The following IP6K3 variants were observed in gnomAD, a reference collection of about 807,000 sequenced individuals.
IP6K3 encodes the protein inositol hexakisphosphate kinase 3, also known as ATP:1D-myo-inositol-hexakisphosphate phosphotransferase.
A neutral mutation model predicts 28.8 loss-of-function variants in IP6K3; 20 were observed. The ratio of observed to expected loss-of-function variants is 0.70; its 90% CI spans 0.49 to 1.01. The LOEUF is 1.01. IP6K3 is among the 50% of genes least tolerant of loss of function. IP6K3 has a pLI of 0.00. For synonymous variants in IP6K3, 213 were observed against 221.3 expected (o/e 0.96, Z 0.33); for missense variants, 480 against 537.1 (o/e 0.89, Z 1.05).
chr6:33,747,709 A>G (rs1271700426), upstream of IP6K3, among the ~76,000 whole-genome samples: 1 of 151,902 alleles, frequency 6.6e-6, no homozygotes, highest in Non-Finnish European at 1.5e-5. The surrounding 1 kb of genome is among the most constrained non-coding windows in gnomAD (Gnocchi z 5.2). Flanking sequence ...AGCTGCAGGG[A>G]GTGGGACTGG....
At position 33,728,199 on chromosome 6, in the gene IP6K3, A is replaced by T. The variant is rs1162329500; in HGVS notation, c.301T>A (p.Ser101Thr). 2 of 1,613,782 alleles carry T rather than the reference A, an allele frequency of 1.2e-6. No individual in the cohort carries two copies. Among genetic ancestry groups the T allele is most frequent in the South Asian group, 2.2e-5 (2 of 91,048 alleles). Residue 101 changes from serine to threonine, a missense_variant, in exon 3 of 6, where the codon TCG becomes ACG. Coordinates refer to ENST00000293756, the MANE Select transcript of IP6K3 (RefSeq NM_054111.5). ...GTCTGCCATATGGCCACCGCCGCCG[A>T]CTCTGTGGAGACCTTGAAGGGCTCC... ...SQEPFKVSTE[S>T]AAVAIWQTLQ...
chr6:33,753,367 C>T, the IP6K3 span, among the ~76,000 whole-genome samples: 2 of 152,126 alleles, frequency 1.3e-5, no homozygotes, highest in Admixed American at 6.5e-5. Context: ...CCAAGAGACA[C>T]GTAAATTGCT....
chr6:33,744,911 A>G lies in IP6K3; in HGVS notation c.-180+1847T>C, dbSNP rs1766851585. Among the ~76,000 whole-genome samples the G allele has an allele frequency of 6.6e-6, 1 of 152,140 alleles. No homozygotes were observed. The highest frequency in any genetic ancestry group is 2.4e-5 in the African/African-American group (1 of 41,446). On this transcript the variant is annotated intron_variant, in intron 1 of 5. Coordinates refer to ENST00000293756, the MANE Select transcript of IP6K3 (RefSeq NM_054111.5). This position sits in a 1 kb window ranked among gnomAD's most constrained non-coding sequence, Gnocchi z 4.4. ...TGGGCTGGGGGTGGTGGGGCACTTG[A>G]GAGCCCATCTGGGCAGAGCAGGATG... is the stretch of plus-strand genomic sequence containing the variant.
chr6:33,733,520 C>G (rs542222339), intron 2 of IP6K3, among the ~76,000 whole-genome samples: 42 of 152,396 alleles, frequency 2.8e-4, no homozygotes, highest in African/African-American at 9.4e-4. Flanking sequence ...AGCCCCAGAG[C>G]TGTGTGGAGC....
At chr6:33,723,208 G>C in intron 5 of IP6K3, 21 bp from the exon 6 acceptor site, 2 of 1,479,820 alleles carry the variant, frequency 1.4e-6, no homozygotes, top group Non-Finnish European at 1.8e-6. Context: ...AAAGAATAAA[G>C]AAAATGTGAA....
rs1014603632 is a variant in IP6K3 at position 33,742,356 on chromosome 6, G to A, written c.-180+4402C>T. 1.3e-5 allele frequency among the ~76,000 whole-genome samples: 2 copies of A among 152,206 alleles called. No homozygotes were observed. Among genetic ancestry groups the A allele is most frequent in the Non-Finnish European group, 2.9e-5 (2 of 68,034 alleles). The stretch of plus-strand genomic sequence containing the variant: ...CCCAAGTCAGGCTCTTAGGGCCAGG[G>A]TGCTGTCTGGGGCCCTCTTTATGCT... On this transcript the variant is annotated intron_variant, in intron 1 of 5. Transcript: ENST00000293756. This position sits in a 1 kb window ranked among gnomAD's most constrained non-coding sequence, Gnocchi z 4.5.
At chr6:33,748,326 C>T (rs1043056955), upstream of IP6K3, among the ~76,000 whole-genome samples, 21 of 152,148 alleles carry the variant, frequency 1.4e-4, no homozygotes, top group East Asian at 3.9e-4. Context: ...TCTCCCTCAC[C>T]GCTCATTTCA....
In IP6K3 at chr6:33,722,724, T is replaced by A. The variant is rs749349426; in HGVS notation, c.1229A>T (p.Glu410Val). 2 of 1,597,878 alleles carry A rather than the reference T, an allele frequency of 1.3e-6. No individual in the cohort carries two copies. The highest frequency in any genetic ancestry group is 1.7e-6 in the Non-Finnish European group (2 of 1,169,932). Reference sequence around the variant, plus strand: ...TCCAGATAAGCCCAGGAAGTTTCATTCTCCCTCTTGGATATCCTGCAGGAT... The same window carrying A: ...TCCAGATAAGCCCAGGAAGTTTCATACTCCCTCTTGGATATCCTGCAGGAT... ...IRILQDIQEGE is the reference protein window; with the variant it reads ...IRILQDIQEGV Residue 410 changes from glutamate to valine, a missense_variant, in exon 6 of 6, where the codon GAA becomes GTA. By Grantham distance (121) the Glu-to-Val change is moderately radical. Coordinates refer to ENST00000293756, the MANE Select transcript of IP6K3 (RefSeq NM_054111.5).
Position 33,735,599 on chromosome 6 carries a change from CT to C in IP6K3, c.-124del. 6.7e-7 allele frequency: 1 copy of C among 1,491,084 alleles called. No homozygotes were observed. 92.4% of individuals were successfully genotyped at this position (1,491,084 alleles called of 1,614,324 possible). A position where few individuals can be genotyped will look rare whatever the true frequency, so the allele number is the denominator to read the frequency against. On this transcript the variant is annotated 5_prime_UTR_variant, in exon 2 of 6. An upstream open reading frame in the 5' UTR loses its in-frame stop. Coordinates refer to ENST00000293756, the MANE Select transcript of IP6K3 (RefSeq NM_054111.5). ...GGTCCTCAACTTTCTCCTTCTTGGCCTTTATTGCTGTCATAGCGCAGTTGTC... is the reference window on the plus strand; with the variant it reads ...GGTCCTCAACTTTCTCCTTCTTGGCCTTATTGCTGTCATAGCGCAGTTGTC...
the IP6K3 span, among the ~76,000 whole-genome samples, chr6:33,756,472 CTGTGTG>C: frequency 6.7e-6 from 1 of 150,112 alleles, no homozygotes; most frequent in Admixed American, 6.6e-5. Context: ...TCAGAGGGGT[CTGTGTG>C]TGTGTGTGTG....
intron 1 of IP6K3, among the ~76,000 whole-genome samples, chr6:33,741,722 TG>T (rs1164898973): frequency 7.5e-6 from 1 of 133,200 alleles, no homozygotes; most frequent in Non-Finnish European, 1.6e-5. Flanking sequence ...GAGGCCAAGG[TG>T]GGCGGATCAC....
chr6:33,741,004 A>G (rs919705856), intron 1 of IP6K3, among the ~76,000 whole-genome samples: 3 of 152,192 alleles, frequency 2.0e-5, no homozygotes, highest in Non-Finnish European at 4.4e-5. Flanking sequence ...AGAATGTGGT[A>G]TGATTGCAGC....
chr6:33,760,642 C>T, the IP6K3 span, among the ~76,000 whole-genome samples: 2 of 152,362 alleles, frequency 1.3e-5, no homozygotes, highest in East Asian at 3.9e-4. Flanking sequence ...ATTCTCCTGC[C>T]TCAGCCTCCC....
At chr6:33,739,650 G>A (rs186095865) in intron 1 of IP6K3, among the ~76,000 whole-genome samples, 15 of 152,350 alleles carry the variant, frequency 9.8e-5, no homozygotes, top group African/African-American at 3.1e-4. Context: ...CATTCCTCAC[G>A]GGCAAGTCCC....
chr6:33,734,726 A>C (rs745962616), intron 2 of IP6K3, among the ~76,000 whole-genome samples: 4 of 152,174 alleles, frequency 2.6e-5, no homozygotes, highest in Non-Finnish European at 4.4e-5. Context: ...GATCCAAGAC[A>C]CATGCTGCCC....
At chr6:33,738,435 G>A (rs547556432) in intron 1 of IP6K3, among the ~76,000 whole-genome samples, 7 of 152,348 alleles carry the variant, frequency 4.6e-5, no homozygotes, top group African/African-American at 1.4e-4. Context: ...ATGTCACCGC[G>A]GCAAGGTGTG....
chr6:33,740,955 A>T (rs961053659), intron 1 of IP6K3, among the ~76,000 whole-genome samples: 5 of 152,216 alleles, frequency 3.3e-5, no homozygotes, highest in African/African-American at 1.2e-4. Flanking sequence ...GACTGTGGCC[A>T]TTGTCAGGGC....
At chr6:33,743,413 T>C (rs1582228178) in intron 1 of IP6K3, among the ~76,000 whole-genome samples, 1 of 152,248 alleles carries the variant, frequency 6.6e-6, no homozygotes, top group East Asian at 1.9e-4. Flanking sequence ...TCAATGTCTT[T>C]GTGATGCCCG....
At chr6:33,733,479 A>G (rs1427827095) in intron 2 of IP6K3, among the ~76,000 whole-genome samples, 1 of 152,264 alleles carries the variant, frequency 6.6e-6, no homozygotes, top group Non-Finnish European at 1.5e-5. Context: ...TGCCTCTCCC[A>G]CTTAGCCTGC....
Sources: allele counts gnomAD v4.1 joint callset (sites outside exome capture counted in the v4.1 genomes callset), GRCh38; gene constraint gnomAD v4.1.1; non-coding constraint Gnocchi (gnomAD v3.1); transcripts MANE v1.5; gene names NCBI Gene and HGNC (gene_info 2026-07-23, HGNC 2026-07-21).